Variants in AK5 observed in about 807,000 individuals in gnomAD.
AK5 encodes the protein adenylate kinase isoenzyme 5.
A neutral mutation model predicts 69.5 loss-of-function variants in AK5; 27 were observed. That is an observed-to-expected ratio of 0.39 (90% CI 0.29 to 0.54). The LOEUF (loss-of-function observed/expected upper bound fraction) is 0.54, where lower values mean the gene tolerates loss of function less well. Among genes scored for constraint, AK5 ranks in the 20% least tolerant of loss-of-function variants. AK5 has a pLI of 0.71. For missense variants in AK5, 531 were observed against 700.4 expected, an observed-to-expected ratio of 0.76 and a Z score of 2.73; for synonymous variants, 260 against 244.4, an observed-to-expected ratio of 1.06 and a Z score of -0.60.
chr1:77,298,738 A>T (rs982854126), intron 5 of AK5, among the ~76,000 whole-genome samples: 21 of 152,014 alleles, frequency 1.4e-4, no homozygotes, highest in African/African-American at 5.1e-4. Context: ...AGAGACTGAG[A>T]GGCAGGAGAA....
chr1:77,554,476 C>G (rs1659975175), intron 13 of AK5, among the ~76,000 whole-genome samples: 1 of 152,160 alleles, frequency 6.6e-6, no homozygotes, highest in African/African-American at 2.4e-5. Flanking sequence ...GAAACTGAGG[C>G]CCCAAGAGGA....
chr1:77,489,497 T>G (rs1254703367), intron 10 of AK5, among the ~76,000 whole-genome samples: 1 of 152,210 alleles, frequency 6.6e-6, no homozygotes, highest in Non-Finnish European at 1.5e-5. Context: ...TGCTTTATTG[T>G]AAGTCAATTT....
intron 2 of AK5, chr1:77,293,538 G>T: frequency 3.3e-6 from 1 of 301,926 alleles, no homozygotes; most frequent in Non-Finnish European, 6.0e-6. Flanking sequence ...ACACTCGTTT[G>T]TTTATTATGT....
At chr1:77,351,143 C>G (rs1324963496) in intron 6 of AK5, among the ~76,000 whole-genome samples, 1 of 152,126 alleles carries the variant, frequency 6.6e-6, no homozygotes, top group Non-Finnish European at 1.5e-5. Context: ...TCTGTAATCC[C>G]AACACTTTGG....
chr1:77,296,267 C>A (rs1658997767), intron 3 of AK5, among the ~76,000 whole-genome samples: 1 of 152,082 alleles, frequency 6.6e-6, no homozygotes, highest in Admixed American at 6.5e-5. Context: ...GAATCTCTCT[C>A]ATGTTAACGT....
At chr1:77,545,758 A>G (rs1242442733) in intron 13 of AK5, among the ~76,000 whole-genome samples, 4 of 152,158 alleles carry the variant, frequency 2.6e-5, no homozygotes, top group Non-Finnish European at 5.9e-5. Flanking sequence ...GGGGGTGCCT[A>G]TCAGTTTCAA....
chr1:77,468,507 C>A (rs911978702), intron 8 of AK5, among the ~76,000 whole-genome samples: 2 of 152,268 alleles, frequency 1.3e-5, no homozygotes, highest in African/African-American at 4.8e-5. Context: ...TGCCTTCACT[C>A]AGTGGCAAGG....
Position 77,355,693 on chromosome 1 carries a change from A to G in AK5, c.891+15125A>G, listed in dbSNP as rs1662474483. ...TTCTTTATGATTCTACCATCTTTCT[A>G]CTATAACTCTGTCTTTATAATTCCA... On this transcript the variant is annotated intron_variant, in intron 6 of 13. Transcript: ENST00000354567. Among the ~76,000 whole-genome samples, 3 of 152,022 alleles carry G rather than the reference A, an allele frequency of 2.0e-5. No homozygotes were observed. The South Asian group carries it at 6.2e-4, about 32-fold the overall frequency.
chr1:77,475,473 GT>G (rs1557620367), intron 8 of AK5, among the ~76,000 whole-genome samples: 1 of 7,624 alleles, frequency 1.3e-4, no homozygotes. Context: ...TATTATATAT[GT>G]ATATATATTA....
chr1:77,430,271 A>C (rs1387671262), intron 8 of AK5, among the ~76,000 whole-genome samples: 1 of 152,180 alleles, frequency 6.6e-6, no homozygotes, highest in Middle Eastern at 3.2e-3. Context: ...CTTGTGACGA[A>C]AGTCAACAGG....
chr1:77,352,484 C>T (rs1662262210), intron 6 of AK5, among the ~76,000 whole-genome samples: 1 of 152,160 alleles, frequency 6.6e-6, no homozygotes, highest in Admixed American at 6.5e-5. Flanking sequence ...CAGTTAATGA[C>T]AGGGAATTCA....
chr1:77,530,427 C>A (rs2100341052), intron 12 of AK5, among the ~76,000 whole-genome samples: 1 of 152,342 alleles, frequency 6.6e-6, no homozygotes, highest in Non-Finnish European at 1.5e-5. Context: ...AGGCATGCCA[C>A]TTTCTTTTCA....
intron 6 of AK5, among the ~76,000 whole-genome samples, chr1:77,404,797 G>A (rs10518553): frequency 0.087 from 13,214 of 152,172 alleles, 764 homozygotes; most frequent in South Asian, 0.17. Context: ...TGTATGTCCA[G>A]AGCTTAAGTG....
chr1:77,505,650 T>C (rs1182894383), intron 10 of AK5, among the ~76,000 whole-genome samples: 2 of 151,912 alleles, frequency 1.3e-5, no homozygotes, highest in African/African-American at 2.4e-5. Context: ...GTGGATAACT[T>C]GAGGCCAGGA....
intron 8 of AK5, among the ~76,000 whole-genome samples, chr1:77,462,542 A>AAT (rs1170304638): frequency 7.2e-5 from 11 of 152,146 alleles, no homozygotes; most frequent in Middle Eastern, 3.4e-3. Flanking sequence ...AATTCTTGTG[A>AAT]ATATATATAT....
At chr1:77,417,514 C>A in intron 7 of AK5, 125 bp from the exon 8 acceptor site, 1 of 652,510 alleles carries the variant, frequency 1.5e-6, no homozygotes, top group South Asian at 1.7e-5. Context: ...CAGATGAGAA[C>A]AGTCTAGAAA....
At chr1:77,449,338 G>C (rs913948546) in intron 8 of AK5, among the ~76,000 whole-genome samples, 1 of 152,206 alleles carries the variant, frequency 6.6e-6, no homozygotes, top group Non-Finnish European at 1.5e-5. Context: ...AGATCATTCT[G>C]GAGCTTTAAT....
intron 13 of AK5, among the ~76,000 whole-genome samples, chr1:77,557,519 G>A (rs533218525): frequency 2.6e-5 from 4 of 152,150 alleles, no homozygotes; most frequent in African/African-American, 9.7e-5. Context: ...AGAAGGGGCA[G>A]TACTTTCGTG....
At chr1:77,453,605 G>A (rs1283961851) in intron 8 of AK5, among the ~76,000 whole-genome samples, 1 of 152,170 alleles carries the variant, frequency 6.6e-6, no homozygotes, top group African/African-American at 2.4e-5. Flanking sequence ...GCTCCATTGT[G>A]TAAGAGTTTT....
Sources: gnomAD v4.1 joint callset for allele counts (sites outside exome capture counted in the v4.1 genomes callset) on GRCh38, gnomAD v4.1.1 for gene constraint, MANE v1.5 for transcripts, NCBI Gene and HGNC (gene_info 2026-07-23, HGNC 2026-07-21) for gene names.